Variants in MDGA2 observed in about 807,000 individuals in gnomAD.
MDGA2 encodes MAM domain containing glycosylphosphatidylinositol anchor 2.
In MDGA2, 40 loss-of-function variants were observed where a neutral mutation model predicts 117.8. That is an observed-to-expected ratio of 0.34 (90% CI 0.26 to 0.44). The LOEUF (loss-of-function observed/expected upper bound fraction) is 0.44. Among genes scored for constraint, MDGA2 ranks in the 20% least tolerant of loss-of-function variants. MDGA2 has a pLI of 1.00. For synonymous variants in MDGA2, 452 were observed against 439.0 expected (o/e 1.03, Z -0.37); for missense variants, 1,123 against 1,250.6 (o/e 0.90, Z 1.54).
chr14:47,019,687 C>CA (rs1208268222), intron 8 of MDGA2, among the ~76,000 whole-genome samples: 1 of 151,700 alleles, frequency 6.6e-6, no homozygotes, highest in Non-Finnish European at 1.5e-5. Context: ...ACTAAAAATA[C>CA]AAAAAAATTA....
At chr14:47,420,096 T>C (rs1438882312) in intron 1 of MDGA2, among the ~76,000 whole-genome samples, 1 of 152,140 alleles carries the variant, frequency 6.6e-6, no homozygotes, top group African/African-American at 2.4e-5. Flanking sequence ...GCACAATACA[T>C]GCATGCATGC....
chr14:47,236,313 A>C (rs1459661913), intron 2 of MDGA2, among the ~76,000 whole-genome samples: 5 of 136,148 alleles, frequency 3.7e-5, no homozygotes, highest in Non-Finnish European at 6.4e-5. Context: ...AAAAAAAAAA[A>C]CAACACTGTG....
At chr14:47,344,398 TTAAAATAG>T (rs1890717668) in intron 1 of MDGA2, among the ~76,000 whole-genome samples, 1 of 152,140 alleles carries the variant, frequency 6.6e-6, no homozygotes, top group South Asian at 2.1e-4. Flanking sequence ...GAGCCAATTA[TTAAAATAG>T]TTGATTCTTC....
chr14:47,522,982 C>A (rs1181621142), intron 1 of MDGA2, among the ~76,000 whole-genome samples: 3 of 152,118 alleles, frequency 2.0e-5, no homozygotes, highest in African/African-American at 7.2e-5. Context: ...TATTCAATCA[C>A]AAAATAACCC....
At chr14:47,009,322 T>G (rs1217380905) in intron 8 of MDGA2, among the ~76,000 whole-genome samples, 2 of 152,094 alleles carry the variant, frequency 1.3e-5, no homozygotes, top group Non-Finnish European at 2.9e-5. Flanking sequence ...TTTAATATGC[T>G]ATAGTTTCTC....
intron 3 of MDGA2, among the ~76,000 whole-genome samples, chr14:47,193,057 T>A (rs1885170064): frequency 8.0e-6 from 1 of 125,448 alleles, no homozygotes; most frequent in South Asian, 2.1e-4. Flanking sequence ...AACCTTTTTA[T>A]TCTTAAGTTA....
intron 1 of MDGA2, among the ~76,000 whole-genome samples, chr14:47,335,747 T>TATATATATATACAC (rs1055245438): frequency 2.0e-4 from 14 of 68,656 alleles, no homozygotes; most frequent in South Asian, 1.1e-3. Flanking sequence ...TATATATATA[T>TATATATATATACAC]ACATACATAC....
chr14:47,031,758 T>C, intron 8 of MDGA2, among the ~76,000 whole-genome samples: 1 of 152,026 alleles, frequency 6.6e-6, no homozygotes, highest in Non-Finnish European at 1.5e-5. Flanking sequence ...ATAGTGTGAG[T>C]TCTCATGAGA....
At chr14:47,363,081 C>A (rs1233495241) in intron 1 of MDGA2, among the ~76,000 whole-genome samples, 4 of 152,004 alleles carry the variant, frequency 2.6e-5, no homozygotes, top group Non-Finnish European at 5.9e-5. Context: ...ATATTAATGT[C>A]TCTGTTTATC....
chr14:47,145,456 GTTCTT>G (rs1437870266), intron 3 of MDGA2, among the ~76,000 whole-genome samples: 1 of 152,106 alleles, frequency 6.6e-6, no homozygotes, highest in Admixed American at 6.5e-5. Flanking sequence ...CATATTCCAG[GTTCTT>G]TTCTTAAGCG....
chr14:46,874,378 G>A (rs969965468), intron 12 of MDGA2, among the ~76,000 whole-genome samples, 178 bp from the exon 13 acceptor site: 5 of 151,662 alleles, frequency 3.3e-5, no homozygotes, highest in African/African-American at 4.8e-5. Flanking sequence ...TAATTTTAAT[G>A]AAAAAGTAAA....
chr14:47,347,951 T>C (rs982339452), intron 1 of MDGA2, among the ~76,000 whole-genome samples: 1 of 152,082 alleles, frequency 6.6e-6, no homozygotes, highest in African/African-American at 2.4e-5. Context: ...AAAATCAGAA[T>C]TGAGAAAGGT....
At chr14:47,107,882 C>A (rs1165942899) in intron 5 of MDGA2, among the ~76,000 whole-genome samples, 1 of 151,590 alleles carries the variant, frequency 6.6e-6, no homozygotes, top group Admixed American at 6.6e-5. Context: ...TAAGTAGAGG[C>A]CTTTCCTACA....
At chr14:47,009,097 A>G (rs896000208) in intron 8 of MDGA2, among the ~76,000 whole-genome samples, 1 of 152,056 alleles carries the variant, frequency 6.6e-6, no homozygotes, top group Admixed American at 6.6e-5. Context: ...AATGTAATGT[A>G]GCACTCATTC....
At chr14:47,051,255 G>A (rs1038448203) in intron 7 of MDGA2, among the ~76,000 whole-genome samples, 3 of 151,956 alleles carry the variant, frequency 2.0e-5, no homozygotes, top group Non-Finnish European at 4.4e-5. Flanking sequence ...TCATCAATAA[G>A]CCCTCAGTAT....
intron 8 of MDGA2, among the ~76,000 whole-genome samples, chr14:46,976,523 C>A (rs1355944380): frequency 1.3e-5 from 2 of 151,640 alleles, no homozygotes; most frequent in Non-Finnish European, 2.9e-5. Context: ...GACATTCAGG[C>A]AGAAATTTGC....
At chr14:46,941,110 T>C (rs901973106) in intron 9 of MDGA2, among the ~76,000 whole-genome samples, 1 of 152,198 alleles carries the variant, frequency 6.6e-6, no homozygotes, top group Non-Finnish European at 1.5e-5. Flanking sequence ...ACTGCTCTTA[T>C]CACCTTGCAA....
intron 3 of MDGA2, among the ~76,000 whole-genome samples, chr14:47,212,607 T>G (rs935910597): frequency 1.2e-4 from 18 of 152,142 alleles, no homozygotes; most frequent in African/African-American, 4.3e-4. Context: ...TATTTTTCAT[T>G]TTCACATTGT....
chr14:47,234,040 G>C (rs1484209606), intron 2 of MDGA2, among the ~76,000 whole-genome samples: 1 of 151,932 alleles, frequency 6.6e-6, no homozygotes. Context: ...ATTAAAAACA[G>C]CAAAATATCT....
Sources: gnomAD v4.1 joint callset for allele counts (sites outside exome capture counted in the v4.1 genomes callset) on GRCh38, gnomAD v4.1.1 for gene constraint, MANE v1.5 for transcripts, NCBI Gene and HGNC (gene_info 2026-07-23, HGNC 2026-07-21) for gene names.